Variants in CHST3 observed in about 807,000 individuals in gnomAD.
CHST3 encodes carbohydrate sulfotransferase 3, also known as C6ST-1.
In CHST3, 20 loss-of-function variants were observed where a neutral mutation model predicts 35.4. The ratio of observed to expected loss-of-function variants is 0.57; its 90% CI spans 0.40 to 0.82. CHST3 has a LOEUF of 0.82. Among genes scored for constraint, CHST3 ranks in the 40% least tolerant of loss-of-function variants. CHST3 has a pLI of 0.00. For missense variants in CHST3, 693 were observed against 670.1 expected (o/e 1.03, Z -0.38); for synonymous variants, 334 against 295.9 (o/e 1.13, Z -1.32).
At chr10:71,984,481 C>A (rs1181073914) in intron 1 of CHST3, among the ~76,000 whole-genome samples, 1 of 152,226 alleles carries the variant, frequency 6.6e-6, no homozygotes, top group African/African-American at 2.4e-5. Context: ...CAAAGCCACA[C>A]CACAAGTTGG....
intron 1 of CHST3, among the ~76,000 whole-genome samples, chr10:71,990,747 C>A (rs1839889980): frequency 6.6e-6 from 1 of 152,210 alleles, no homozygotes; most frequent in Non-Finnish European, 1.5e-5. Flanking sequence ...TTAATGCCAG[C>A]ACACTGGGAT....
Position 71,969,175 on chromosome 10 carries a change from G to C in CHST3, c.-108+4481G>C, listed in dbSNP as rs542374825. Among the ~76,000 whole-genome samples the C allele has an allele frequency of 5.9e-5, 9 of 152,292 alleles. No homozygotes were observed. In the South Asian group the frequency reaches 1.9e-3, roughly 32 times the overall value. On this transcript the variant is annotated intron_variant, in intron 1 of 2. Coordinates refer to ENST00000373115, the MANE Select transcript of CHST3 (RefSeq NM_004273.5). ...TGGGGCAGAGCCGGAGCAGCCAGGG[G>C]AGGTGATAACCACACGCTCATCTGG...
chr10:72,006,041 G>A (rs1840035956), intron 2 of CHST3, 59 bp downstream of exon 2: 2 of 1,560,580 alleles, frequency 1.3e-6, no homozygotes, highest in Non-Finnish European at 1.8e-6. Flanking sequence ...GTGGGGACAG[G>A]GAGGTAACTG....
chr10:72,008,158 G>A lies in CHST3; in HGVS notation c.1127G>A (p.Arg376His), dbSNP rs1250555060. The A allele has an allele frequency of 1.9e-6, 3 of 1,548,578 alleles. No homozygotes were observed. In the East Asian group the frequency reaches 7.3e-5, roughly 38 times the overall value. The change falls in exon 3 of 3, where the codon CGC (arginine) becomes CAC (histidine). Residue 376 changes from arginine (R) to histidine (H), a missense_variant. Arg to His is a conservative substitution (Grantham distance 29, BLOSUM62 0). Transcript: ENST00000373115. ...YMLVRYEDVARGPLQKAREMY... is the reference protein window; with the variant it reads ...YMLVRYEDVAHGPLQKAREMY... ...CTGGTGCGCTACGAGGACGTGGCAC[G>A]CGGGCCGCTGCAGAAGGCCCGCGAG...
chr10:71,971,726 A>C (rs1589496408), intron 1 of CHST3, among the ~76,000 whole-genome samples: 5 of 152,116 alleles, frequency 3.3e-5, no homozygotes, highest in Admixed American at 2.0e-4. Context: ...AAGGAATTTC[A>C]CTCCAGCCAC....
At chr10:71,979,217 G>A (rs1298291836) in intron 1 of CHST3, among the ~76,000 whole-genome samples, 1 of 152,160 alleles carries the variant, frequency 6.6e-6, no homozygotes, top group African/African-American at 2.4e-5. Flanking sequence ...ACCTCCAGCC[G>A]GTGGCCTTGG....
At chr10:71,968,826 A>G (rs548154339) in intron 1 of CHST3, among the ~76,000 whole-genome samples, 5 of 152,038 alleles carry the variant, frequency 3.3e-5, no homozygotes, top group African/African-American at 1.2e-4. Context: ...GCACACAGGG[A>G]GATGTTGCAG....
At chr10:71,977,058 G>A (rs569672980) in intron 1 of CHST3, among the ~76,000 whole-genome samples, 15 of 152,292 alleles carry the variant, frequency 9.8e-5, no homozygotes, top group South Asian at 4.1e-4. Flanking sequence ...TAGGTTGACC[G>A]AGGCACAACC....
At chr10:72,000,279 C>T (rs1236481007) in intron 1 of CHST3, among the ~76,000 whole-genome samples, 1 of 152,190 alleles carries the variant, frequency 6.6e-6, no homozygotes, top group Admixed American at 6.5e-5. Flanking sequence ...CCACTCTGTG[C>T]CAGGTACAGT....
chr10:71,991,646 T>C (rs1329265514), intron 1 of CHST3, among the ~76,000 whole-genome samples: 1 of 152,136 alleles, frequency 6.6e-6, no homozygotes, highest in African/African-American at 2.4e-5. Context: ...AATTTACATT[T>C]ACACGGCCGG....
At chr10:71,998,843 T>C (rs1043447893) in intron 1 of CHST3, among the ~76,000 whole-genome samples, 2 of 151,802 alleles carry the variant, frequency 1.3e-5, no homozygotes, top group Non-Finnish European at 2.9e-5. Flanking sequence ...GCTGGAGCCC[T>C]GGGGTGCTCA....
intron 1 of CHST3, among the ~76,000 whole-genome samples, chr10:71,969,641 C>T (rs1294958055): frequency 6.6e-6 from 1 of 152,246 alleles, no homozygotes; most frequent in Non-Finnish European, 1.5e-5. Context: ...TCTCCCCCTC[C>T]ACTGCAGAGG....
chr10:72,006,090 G>A (rs1589508500), intron 2 of CHST3, 108 bp downstream of exon 2: 7 of 1,404,036 alleles, frequency 5.0e-6, no homozygotes, highest in Non-Finnish European at 7.0e-6. Flanking sequence ...TTCCTTCAAC[G>A]AGCCATCCCC....
At chr10:71,979,433 C>T (rs1839779555) in intron 1 of CHST3, among the ~76,000 whole-genome samples, 1 of 151,520 alleles carries the variant, frequency 6.6e-6, no homozygotes, top group Non-Finnish European at 1.5e-5. Context: ...TTAGACTAGT[C>T]CCCTGGGGGA....
chr10:71,990,173 A>C (rs987711531), intron 1 of CHST3, among the ~76,000 whole-genome samples: 1 of 152,170 alleles, frequency 6.6e-6, no homozygotes, highest in Non-Finnish European at 1.5e-5. Flanking sequence ...TGCTATAACA[A>C]ATACCATACA....
At chr10:71,985,763 C>G (rs1839842111) in intron 1 of CHST3, among the ~76,000 whole-genome samples, 3 of 152,082 alleles carry the variant, frequency 2.0e-5, no homozygotes, top group South Asian at 2.1e-4. Flanking sequence ...AATCTGTTAC[C>G]CACTTCCCCC....
chr10:72,007,665 G>C lies in CHST3; in HGVS notation c.634G>C (p.Glu212Gln), dbSNP rs371650865. 1 of 1,609,164 alleles carries C rather than the reference G, an allele frequency of 6.2e-7. No individual in the cohort carries two copies. The highest frequency in any genetic ancestry group is 2.2e-5 in the East Asian group (1 of 44,818). The change falls in exon 3 of 3, where the codon GAG becomes CAG. Residue 212 changes from glutamate (E) to glutamine (Q), a missense_variant. Transcript: ENST00000373115. Reference protein sequence around the residue: ...VLEHFITPLPEDHLTQFMFRR... With the variant: ...VLEHFITPLPQDHLTQFMFRR... ...GGAGCACTTCATCACGCCGCTGCCCGAGGACCACCTGACTCAGTTCATGTT... is the reference window on the plus strand; with the variant it reads ...GGAGCACTTCATCACGCCGCTGCCCCAGGACCACCTGACTCAGTTCATGTT...
rs1840059058 is a variant in CHST3, at chr10:72,007,783, G to A, written c.752G>A (p.Arg251His). 6.2e-6 allele frequency: 10 copies of A among 1,601,328 alleles called. No individual in the cohort carries two copies. The highest frequency in any genetic ancestry group is 8.5e-6 in the Non-Finnish European group (10 of 1,179,688). Residue 251 changes from arginine (R) to histidine (H), a missense_variant, in exon 3 of 3, where the codon CGC becomes CAC. Transcript: ENST00000373115. ...GAGAAGTACCACTGCAAGAACCGCCGCTGCGGCCCCCTCAACGTGACGCTG... is the reference window on the plus strand; with the variant it reads ...GAGAAGTACCACTGCAAGAACCGCCACTGCGGCCCCCTCAACGTGACGCTG... Reference protein sequence around the residue: ...VFEKYHCKNRRCGPLNVTLAA... With the variant: ...VFEKYHCKNRHCGPLNVTLAA...
chr10:71,991,995 T>TA (rs988284726), intron 1 of CHST3, among the ~76,000 whole-genome samples: 3 of 152,048 alleles, frequency 2.0e-5, no homozygotes, highest in Non-Finnish European at 2.9e-5. Context: ...GTAGTATGTC[T>TA]AAAAAAAGTA....
Sources: allele counts gnomAD v4.1 joint callset (sites outside exome capture counted in the v4.1 genomes callset), GRCh38; gene constraint gnomAD v4.1.1; transcripts MANE v1.5; gene names NCBI Gene and HGNC (gene_info 2026-07-23, HGNC 2026-07-21).